Variants in B4GALT6 observed in about 807,000 individuals in gnomAD.
B4GALT6 encodes beta-1,4-galactosyltransferase 6, also known as UDP-Gal:beta-GlcNAc beta-1,4-galactosyltransferase 6.
A neutral mutation model predicts 46.3 loss-of-function variants in B4GALT6; 14 were observed. That is an observed-to-expected ratio of 0.30 (90% CI 0.20 to 0.47). B4GALT6 has a LOEUF of 0.47. Among genes scored for constraint, B4GALT6 ranks in the 20% least tolerant of loss-of-function variants. B4GALT6 has a pLI of 0.99. For synonymous variants in B4GALT6, 168 were observed against 162.0 expected (o/e 1.04, Z -0.28); for missense variants, 386 against 480.1 (o/e 0.80, Z 1.83).
the B4GALT6 span, among the ~76,000 whole-genome samples, chr18:31,698,743 G>A: frequency 1.6e-4 from 24 of 151,954 alleles, no homozygotes; most frequent in Middle Eastern, 3.4e-3. Flanking sequence ...GCATCTTAAG[G>A]GCATCCAAGC....
chr18:31,636,898 T>G (rs1164136559), intron 5 of B4GALT6, among the ~76,000 whole-genome samples: 1 of 152,262 alleles, frequency 6.6e-6, no homozygotes, highest in African/African-American at 2.4e-5. Flanking sequence ...CTTGGCTCAC[T>G]GCAACCTCCA....
the B4GALT6 span, among the ~76,000 whole-genome samples, chr18:31,711,576 G>A: frequency 6.6e-6 from 1 of 152,166 alleles, no homozygotes; most frequent in African/African-American, 2.4e-5. Context: ...AACCTAGTGA[G>A]ATTACCAGAG....
chr18:31,712,287 A>ATTTTTTTTTTTTTTTT, the B4GALT6 span, among the ~76,000 whole-genome samples: 3 of 84,640 alleles, frequency 3.5e-5, 1 homozygote, highest in Admixed American at 1.6e-4. Flanking sequence ...CTGGGACGTT[A>ATTTTTTTTTTTTTTTT]TTTTTTTTTT....
the B4GALT6 span, among the ~76,000 whole-genome samples, chr18:31,700,736 G>A: frequency 6.6e-6 from 1 of 152,232 alleles, no homozygotes; most frequent in East Asian, 1.9e-4. Context: ...GATTGCAGGT[G>A]TGAGCCACCG....
the B4GALT6 span, among the ~76,000 whole-genome samples, chr18:31,702,040 G>C: frequency 2.6e-5 from 4 of 152,074 alleles, no homozygotes; most frequent in African/African-American, 9.7e-5. Context: ...GAGTCTCTCA[G>C]GGAAAAAATC....
At chr18:31,636,548 C>CA (rs1298677720) in intron 5 of B4GALT6, among the ~76,000 whole-genome samples, 17 of 152,216 alleles carry the variant, frequency 1.1e-4, no homozygotes, top group African/African-American at 3.6e-4. Flanking sequence ...AAGATACTAC[C>CA]ACAGACCCAC....
chr18:31,642,409 AGGTACATT>A (rs2073941066), intron 4 of B4GALT6, among the ~76,000 whole-genome samples: 1 of 152,186 alleles, frequency 6.6e-6, no homozygotes, highest in Admixed American at 6.5e-5. Flanking sequence ...CTCATCTTTG[AGGTACATT>A]GGACTATAAA....
chr18:31,724,447 T>C, the B4GALT6 span: 4 of 1,030,654 alleles, frequency 3.9e-6, no homozygotes, highest in South Asian at 1.0e-4. Context: ...ATCGCCGCCA[T>C]GAGCTAACTC....
At chr18:31,717,524 A>G in the B4GALT6 span, among the ~76,000 whole-genome samples, 4 of 152,246 alleles carry the variant, frequency 2.6e-5, no homozygotes, top group African/African-American at 4.8e-5. Context: ...TAGTTAAAAA[A>G]TAATAAAATT....
upstream of B4GALT6, among the ~76,000 whole-genome samples, chr18:31,688,373 G>A (rs71361338): frequency 0.096 from 14,461 of 150,970 alleles, 909 homozygotes; most frequent in Middle Eastern, 0.15. Flanking sequence ...AAAGATATTG[G>A]TCCCTGTATC....
At chr18:31,626,862 A>G in intron 7 of B4GALT6, 137 bp downstream of exon 7, 2 of 684,954 alleles carry the variant, frequency 2.9e-6, no homozygotes, top group Non-Finnish European at 2.2e-6. Flanking sequence ...AAAAAGAGAA[A>G]TATAAAACAG....
intron 1 of B4GALT6, among the ~76,000 whole-genome samples, chr18:31,674,569 C>T (rs964262029): frequency 3.3e-5 from 5 of 151,880 alleles, no homozygotes; most frequent in Non-Finnish European, 4.4e-5. Context: ...TCAGGTATCT[C>T]TTTCTAAGAA....
intron 1 of B4GALT6, among the ~76,000 whole-genome samples, chr18:31,667,190 A>G (rs11664340): frequency 0.16 from 24,394 of 152,100 alleles, 2,750 homozygotes; most frequent in African/African-American, 0.32. Flanking sequence ...AGTGCTGTGC[A>G]TAACTTTGTA....
the B4GALT6 span, among the ~76,000 whole-genome samples, chr18:31,710,814 C>CACACACACACACACA: frequency 7.1e-6 from 1 of 140,124 alleles, no homozygotes; most frequent in South Asian, 2.5e-4. Flanking sequence ...CCTGAATACA[C>CACACACACACACACA]CACACACACA....
At chr18:31,704,376 T>C in the B4GALT6 span, among the ~76,000 whole-genome samples, 2 of 151,830 alleles carry the variant, frequency 1.3e-5, no homozygotes, top group Non-Finnish European at 2.9e-5. Context: ...GCCCAACTAA[T>C]TTATTTTTGT....
At chr18:31,697,518 A>G in the B4GALT6 span, among the ~76,000 whole-genome samples, 1 of 152,168 alleles carries the variant, frequency 6.6e-6, no homozygotes, top group Admixed American at 6.5e-5. Context: ...AGAAGTCTTT[A>G]ACATAACATT....
At chr18:31,684,168 C>A (rs887957730) in intron 1 of B4GALT6, 144 bp downstream of exon 1, 28 of 1,348,810 alleles carry the variant, frequency 2.1e-5, no homozygotes, top group Non-Finnish European at 2.6e-5. Flanking sequence ...AGCAGTTTGA[C>A]ACGTCTGAAA....
chr18:31,688,049 A>T (rs2029987010), upstream of B4GALT6, among the ~76,000 whole-genome samples: 1 of 152,084 alleles, frequency 6.6e-6, no homozygotes, highest in African/African-American at 2.4e-5. Flanking sequence ...TCAGATCTTC[A>T]TGTTACAATC....
the B4GALT6 span, among the ~76,000 whole-genome samples, chr18:31,710,505 C>T: frequency 2.9e-4 from 44 of 152,206 alleles, no homozygotes; most frequent in East Asian, 6.0e-3. Context: ...GAGAAGGCAA[C>T]GCGAAGACAG....
Sources: gnomAD v4.1 joint callset for allele counts (sites outside exome capture counted in the v4.1 genomes callset) on GRCh38, gnomAD v4.1.1 for gene constraint, MANE v1.5 for transcripts, NCBI Gene and HGNC (gene_info 2026-07-23, HGNC 2026-07-21) for gene names.